Variants in UBASH3A observed in about 807,000 individuals in gnomAD.
UBASH3A encodes ubiquitin associated and SH3 domain containing A.
UBASH3A carries 63 observed loss-of-function variants against 73.5 expected under a neutral mutation model. That is an observed-to-expected ratio of 0.86 (90% CI 0.70 to 1.06). The LOEUF is 1.06. Among genes scored for constraint, UBASH3A ranks in the 50% least tolerant of loss-of-function variants. UBASH3A has a pLI of 0.00. For synonymous variants in UBASH3A, 363 were observed against 351.1 expected (o/e 1.03, Z -0.38); for missense variants, 860 against 859.0 (o/e 1.00, Z -0.02).
intron 14 of UBASH3A, 101 bp from the exon 15 acceptor site, chr21:42,446,956 C>T (rs2053853674): frequency 1.5e-6 from 2 of 1,365,614 alleles, no homozygotes; most frequent in African/African-American, 2.9e-5. Context: ...AGTCGCAGAC[C>T]CTCCAAAGTA....
Position 42,444,690 on chromosome 21 carries a change from G to T in UBASH3A, c.1848+47G>T, listed in dbSNP as rs746298465. Reference sequence around the variant, plus strand: ...TTTGGGCCACAAAATCAAGCATCCCGAAGACACAGGTTTATCTCATCCACT... The same window carrying T: ...TTTGGGCCACAAAATCAAGCATCCCTAAGACACAGGTTTATCTCATCCACT... On this transcript the variant is annotated intron_variant, in intron 14 of 14. Coordinates refer to ENST00000319294, the MANE Select transcript of UBASH3A (RefSeq NM_018961.4). 4 of 1,403,478 alleles carry T rather than the reference G, an allele frequency of 2.9e-6. No homozygotes were observed. The South Asian group carries it at 3.5e-5, about 12-fold the overall frequency. 86.9% of individuals were successfully genotyped at this position (1,403,478 alleles called of 1,614,324 possible). A position where few individuals can be genotyped will look rare whatever the true frequency, so the allele number is the denominator to read the frequency against.
chr21:42,436,997 A>G (rs752718495), intron 10 of UBASH3A, among the ~76,000 whole-genome samples: 2 of 152,230 alleles, frequency 1.3e-5, no homozygotes, highest in Non-Finnish European at 2.9e-5. Flanking sequence ...GTCTCCTTCC[A>G]GACTCATTCT....
chr21:42,437,752 T>C (rs1303915690), intron 11 of UBASH3A, among the ~76,000 whole-genome samples, 172 bp downstream of exon 11: 1 of 152,120 alleles, frequency 6.6e-6, no homozygotes, highest in Non-Finnish European at 1.5e-5. Context: ...GCATGCTGGG[T>C]CCGTGAGCGT....
chr21:42,411,557 GCAGACACACACA>G (rs1190962202), intron 3 of UBASH3A, among the ~76,000 whole-genome samples: 1 of 150,732 alleles, frequency 6.6e-6, no homozygotes, highest in Non-Finnish European at 1.5e-5. Context: ...ATACGCATAT[GCAGACACACACA>G]CAGACACACA....
At chr21:42,443,584 C>A (rs547068378) in intron 13 of UBASH3A, among the ~76,000 whole-genome samples, 166 bp downstream of exon 13, 1 of 152,078 alleles carries the variant, frequency 6.6e-6, no homozygotes, top group South Asian at 2.1e-4. Flanking sequence ...GCTGCTGCTG[C>A]AGTAACCGGG....
intron 8 of UBASH3A, among the ~76,000 whole-genome samples, chr21:42,429,271 T>G (rs775699752): frequency 4.6e-5 from 7 of 152,218 alleles, no homozygotes; most frequent in Non-Finnish European, 5.9e-5. Flanking sequence ...TGTGAGAGAA[T>G]AAATGTCTCT....
intron 11 of UBASH3A, 141 bp downstream of exon 11, chr21:42,437,721 G>A: frequency 1.4e-6 from 1 of 730,594 alleles, no homozygotes; most frequent in Non-Finnish European, 2.3e-6. Context: ...GTACGAGCCA[G>A]CCCTCCAAGG....
intron 1 of UBASH3A, among the ~76,000 whole-genome samples, chr21:42,404,729 C>T (rs1023528037): frequency 5.3e-5 from 8 of 152,168 alleles, no homozygotes; most frequent in Non-Finnish European, 1.0e-4. Flanking sequence ...CCACGCTGCC[C>T]GGGGAAAGTC....
chr21:42,422,990 A>G (rs2053367826), intron 7 of UBASH3A, among the ~76,000 whole-genome samples: 1 of 152,244 alleles, frequency 6.6e-6, no homozygotes, highest in South Asian at 2.1e-4. Context: ...TAATGTTTAA[A>G]TGTATGAAGC....
intron 14 of UBASH3A, among the ~76,000 whole-genome samples, chr21:42,446,511 G>A (rs1269155223): frequency 6.6e-6 from 1 of 152,182 alleles, no homozygotes; most frequent in Non-Finnish European, 1.5e-5. Context: ...TTAGAAAGAG[G>A]AAGGAAAGAA....
intron 10 of UBASH3A, chr21:42,435,599 C>T (rs2053612052): frequency 6.6e-6 from 1 of 150,386 alleles, no homozygotes; most frequent in Non-Finnish European, 1.5e-5. Flanking sequence ...GTTATAGAGT[C>T]ATGGAGTTAT....
chr21:42,436,641 A>T (rs1284552088), intron 10 of UBASH3A, among the ~76,000 whole-genome samples: 2 of 152,194 alleles, frequency 1.3e-5, no homozygotes, highest in Non-Finnish European at 2.9e-5. Context: ...GGACTCTAAC[A>T]TGTTTTTCAA....
At chr21:42,431,957 AT>A (rs1212628738) in intron 8 of UBASH3A, 145 bp from the exon 9 acceptor site, 1 of 577,716 alleles carries the variant, frequency 1.7e-6, no homozygotes, top group East Asian at 2.9e-5. Flanking sequence ...CATTCTAATG[AT>A]TTGGGCAAAA....
At chr21:42,410,320 C>T (rs2053064440) in intron 3 of UBASH3A, 2 of 600,094 alleles carry the variant, frequency 3.3e-6, no homozygotes, top group Non-Finnish European at 6.0e-6. Flanking sequence ...GGCACACCCA[C>T]TTCTGCTACC....
At chr21:42,434,719 A>G (rs1287022619) in intron 9 of UBASH3A, 113 bp from the exon 10 acceptor site, 4 of 1,224,772 alleles carry the variant, frequency 3.3e-6, no homozygotes, top group Non-Finnish European at 4.5e-6. Flanking sequence ...ACAGTTGACA[A>G]TAATTTCAAT....
chr21:42,439,986 C>T (rs1490560169), intron 11 of UBASH3A, among the ~76,000 whole-genome samples: 1 of 142,804 alleles, frequency 7.0e-6, no homozygotes, highest in East Asian at 2.1e-4. Context: ...CACCACACCC[C>T]ACACACACCC....
Position 42,413,853 on chromosome 21 carries a change from T to C in UBASH3A, c.667+330T>C, listed in dbSNP as rs1214488659. ...TTATTTAGACTCATATTCAGAATCA[T>C]CAAAATTCCCTTCTCTCCAAACACC... is the stretch of plus-strand genomic sequence containing the variant. On this transcript the variant is annotated intron_variant, in intron 5 of 14. Transcript: ENST00000319294. This position sits in a 1 kb window ranked among gnomAD's most constrained non-coding sequence, Gnocchi z 4.5. Among the ~76,000 whole-genome samples the C allele has an allele frequency of 6.6e-6, 1 of 152,152 alleles. No individual in the cohort carries two copies. Among genetic ancestry groups the C allele is most frequent in the Non-Finnish European group, 1.5e-5 (1 of 68,024 alleles).
At chr21:42,446,001 C>G (rs1033298236) in intron 14 of UBASH3A, among the ~76,000 whole-genome samples, 1 of 152,188 alleles carries the variant, frequency 6.6e-6, no homozygotes. Context: ...GTCCCTGCCC[C>G]GCTTCCCACA....
intron 3 of UBASH3A, among the ~76,000 whole-genome samples, chr21:42,409,955 C>A (rs74461418): frequency 6.6e-6 from 1 of 152,068 alleles, no homozygotes; most frequent in Non-Finnish European, 1.5e-5. Flanking sequence ...CTCACCAGAC[C>A]GAGTCCCTCA....
Sources: gnomAD v4.1 joint callset for allele counts (sites outside exome capture counted in the v4.1 genomes callset) on GRCh38, gnomAD v4.1.1 for gene constraint, Gnocchi (gnomAD v3.1) non-coding constraint, MANE v1.5 for transcripts, NCBI Gene and HGNC (gene_info 2026-07-23, HGNC 2026-07-21) for gene names.